TRPV5: variants seen among roughly 807,000 people sequenced by gnomAD.
TRPV5 encodes transient receptor potential cation channel subfamily V member 5.
In TRPV5, 66 loss-of-function variants were observed where a neutral mutation model predicts 74.1. That is an observed-to-expected ratio of 0.89 (90% CI 0.73 to 1.09). The LOEUF is 1.09. TRPV5 is among the 50% of genes least tolerant of loss of function. The pLI, the probability that TRPV5 is intolerant of heterozygous loss-of-function variation, is 0.00. For missense variants in TRPV5, 936 were observed against 930.4 expected, an observed-to-expected ratio of 1.01 and a Z score of -0.08; for synonymous variants, 399 against 360.7, an observed-to-expected ratio of 1.11 and a Z score of -1.20.
chr7:142,917,176 G>T (rs989521028), intron 8 of TRPV5, among the ~76,000 whole-genome samples: 7 of 151,520 alleles, frequency 4.6e-5, no homozygotes, highest in African/African-American at 1.7e-4. Flanking sequence ...TCAGTTCACG[G>T]ACTGTGTTCT....
intron 8 of TRPV5, among the ~76,000 whole-genome samples, chr7:142,919,913 C>T (rs770878902): frequency 2.0e-5 from 3 of 152,134 alleles, no homozygotes; most frequent in East Asian, 1.9e-4. Flanking sequence ...GACCTTTTTC[C>T]CCCCCATGAT....
rs748854134 is a variant in TRPV5, at chr7:142,930,103, C to T, written c.304G>A (p.Ala102Thr). 13 of 1,614,114 alleles carry T rather than the reference C, an allele frequency of 8.1e-6. No homozygotes were observed. The highest frequency in any genetic ancestry group is 4.5e-5 in the East Asian group (2 of 44,894). ...GTGGGCTCAAAGACCAGCTCTGGGG[C>T]AGCCTCCATCAGCACCAAGGCCGCC... ...LEAALVLMEA[A>T]PELVFEPTTC... Residue 102 changes from alanine (A) to threonine (T), a missense_variant, in exon 3 of 15, where the codon GCC becomes ACC. By Grantham distance (58) the Ala-to-Thr change is moderately conservative (BLOSUM62 0). Coordinates refer to ENST00000265310, the MANE Select transcript of TRPV5 (RefSeq NM_019841.7).
At chr7:142,916,547 G>A (rs1041125619) in intron 8 of TRPV5, among the ~76,000 whole-genome samples, 2 of 152,174 alleles carry the variant, frequency 1.3e-5, no homozygotes, top group Non-Finnish European at 1.5e-5. Flanking sequence ...ACACATGCAA[G>A]CAGCCTTTTG....
intron 7 of TRPV5, among the ~76,000 whole-genome samples, chr7:142,926,086 T>A (rs1011499180): frequency 1.3e-5 from 2 of 152,094 alleles, no homozygotes; most frequent in Admixed American, 6.6e-5. Flanking sequence ...GCAGTTGAGA[T>A]GTGGTTGGGG....
chr7:142,915,352 C>A lies in TRPV5; in HGVS notation c.1241G>T (p.Arg414Leu), dbSNP rs150345829. Reference sequence around the variant, plus strand: ...CCCAAGAATCGTCTTTCCAAAATAGCGAGAGGCACCAACCCTGAAGATGTC... The same window carrying A: ...CCCAAGAATCGTCTTTCCAAAATAGAGAGAGGCACCAACCCTGAAGATGTC... ...IPDIFRVGAS[R>L]YFGKTILGGP... The change falls in exon 10 of 15, where the codon CGC becomes CTC. Residue 414 changes from arginine to leucine, a missense_variant. By Grantham distance (102) the Arg-to-Leu change is moderately radical. Transcript: ENST00000265310. 3 of 1,606,566 alleles carry A rather than the reference C, an allele frequency of 1.9e-6. No individual in the cohort carries two copies. Among genetic ancestry groups the A allele is most frequent in the Non-Finnish European group, 2.5e-6 (3 of 1,178,216 alleles).
At position 142,924,313 on chromosome 7, in the gene TRPV5, C is replaced by CATGTATATATAT. The variant is rs1795940184; in HGVS notation, c.1122+1215_1122+1216insATATATATACAT. ...ATGTATATATATACATATATATATA[C>CATGTATATATAT]ACACATATACATGTATATATATACA... On this transcript the variant is annotated intron_variant, in intron 8 of 14. Transcript: ENST00000265310. Among the ~76,000 whole-genome samples the CATGTATATATAT allele has an allele frequency of 1.6e-4, 4 of 24,328 alleles. 1 individual carries two copies. The highest frequency in any genetic ancestry group is 4.1e-4 in the African/African-American group (4 of 9,832). 16.0% of individuals were successfully genotyped at this position (24,328 alleles called of 152,430 possible).
At chr7:142,926,442 C>A (rs1795990718) in intron 7 of TRPV5, among the ~76,000 whole-genome samples, 1 of 152,072 alleles carries the variant, frequency 6.6e-6, no homozygotes, top group Admixed American at 6.6e-5. Context: ...ATTCAAAGCA[C>A]AGTAGAGTGA....
intron 13 of TRPV5, 58 bp downstream of exon 13, chr7:142,912,424 A>T: frequency 1.3e-6 from 2 of 1,565,112 alleles, no homozygotes; most frequent in Non-Finnish European, 1.7e-6. Flanking sequence ...AACATTTTCC[A>T]CTTTGATTTT....
At position 142,929,456 on chromosome 7, in the gene TRPV5, G is replaced by A. The variant is rs1292152630; in HGVS notation, c.459C>T (p.Arg153=). ...VSARATGTAF[R]HSPRNLIYFG... ...AGTAGATGAGGTTGCGGGGACTATG[G>A]CGGAAGGCAGTGCCTGTGGCTCTGG... Residue 153 remains arginine, a synonymous_variant, in exon 4 of 15, where the codon CGC becomes CGT. Transcript: ENST00000265310. The A allele has an allele frequency of 1.2e-6, 2 of 1,614,104 alleles. No individual in the cohort carries two copies. The highest frequency in any genetic ancestry group is 1.7e-5 in the Admixed American group (1 of 60,026).
rs753336260 is a variant in TRPV5 at position 142,929,060 on chromosome 7, A to G, written c.548T>C (p.Ile183Thr). Reference protein sequence around the residue: ...VNSEEIVRLLIEHGADIRAQD... With the variant: ...VNSEEIVRLLTEHGADIRAQD... ...GGCCCTGATGTCAGCTCCATGCTCA[A>G]TGAGCAGCCGCACGATCTCCTCGCT... Residue 183 changes from isoleucine (I) to threonine (T), a missense_variant, in exon 5 of 15, where the codon ATT becomes ACT. By Grantham distance (89) the Ile-to-Thr change is moderately conservative. Coordinates refer to ENST00000265310, the MANE Select transcript of TRPV5 (RefSeq NM_019841.7). The G allele has an allele frequency of 1.2e-6, 2 of 1,614,046 alleles. No individual in the cohort carries two copies. Among genetic ancestry groups the G allele is most frequent in the Non-Finnish European group, 8.5e-7 (1 of 1,180,004 alleles).
chr7:142,919,865 T>C (rs1289633047), intron 8 of TRPV5, among the ~76,000 whole-genome samples: 1 of 152,162 alleles, frequency 6.6e-6, no homozygotes, highest in African/African-American at 2.4e-5. Flanking sequence ...CAGTGGGAAG[T>C]GGGTAGGCCC....
chr7:142,924,353 G>T (rs1372617987), intron 8 of TRPV5, among the ~76,000 whole-genome samples: 8,357 of 14,254 alleles, frequency 0.59, 2,160 homozygotes, highest in African/African-American at 0.66. Context: ...TATATATATA[G>T]ACATATACAT....
rs773630039 is a variant in TRPV5, at chr7:142,930,125, C to T, written c.282G>A (p.Ala94=). Residue 94 remains alanine (A), a synonymous_variant, in exon 3 of 15, where the codon GCG becomes GCA. Transcript: ENST00000265310. ...HIAALYDNLE[A]ALVLMEAAPE... is the part of the protein sequence containing the mutation. Reference sequence around the variant, plus strand: ...GGGCAGCCTCCATCAGCACCAAGGCCGCCTCCAAGTTGTCATAGAGGGCTG... The same window carrying T: ...GGGCAGCCTCCATCAGCACCAAGGCTGCCTCCAAGTTGTCATAGAGGGCTG... The T allele has an allele frequency of 7.6e-5, 122 of 1,614,084 alleles. No individual in the cohort carries two copies. The highest frequency in any genetic ancestry group is 3.3e-4 in the Middle Eastern group (2 of 6,084).
In TRPV5 at chr7:142,933,621, G is replaced by A. The variant is rs1274623895; in HGVS notation, c.-162C>T. 8 of 927,844 alleles carry A rather than the reference G, an allele frequency of 8.6e-6. No individual in the cohort carries two copies. The highest frequency in any genetic ancestry group is 1.1e-5 in the Non-Finnish European group (7 of 617,104). 57.5% of individuals were successfully genotyped at this position (927,844 alleles called of 1,614,324 possible). On this transcript the variant is annotated 5_prime_UTR_variant, in exon 1 of 15. Coordinates refer to ENST00000265310, the MANE Select transcript of TRPV5 (RefSeq NM_019841.7). ...CAGCATGCAGCTTGTAGGTGTGTGTGTGTGCATGCAGTATGTGGGTTGTGG... is the reference window on the plus strand; with the variant it reads ...CAGCATGCAGCTTGTAGGTGTGTGTATGTGCATGCAGTATGTGGGTTGTGG...
At chr7:142,923,019 T>C (rs1478963752) in intron 8 of TRPV5, among the ~76,000 whole-genome samples, 1 of 152,210 alleles carries the variant, frequency 6.6e-6, no homozygotes. Flanking sequence ...TGTTCTGAGA[T>C]GGTGCTGTTG....
Position 142,928,695 on chromosome 7 carries a change from G to C in TRPV5, c.758C>G (p.Thr253Ser). Residue 253 changes from threonine (T) to serine (S), a missense_variant, in exon 6 of 15, where the codon ACT becomes AGT. Transcript: ENST00000265310. ...GGGATGGGGAGCGTCTCTTACCACAGTGTTACCCTCCACTCCAGCCAGCTT... is the reference window on the plus strand; with the variant it reads ...GGGATGGGGAGCGTCTCTTACCACACTGTTACCCTCCACTCCAGCCAGCTT... The part of the protein sequence containing the change: ...PFKLAGVEGN[T>S]VMFQHLMQKR... 1 of 1,613,444 alleles carries C rather than the reference G, an allele frequency of 6.2e-7. No homozygotes were observed. The highest frequency in any genetic ancestry group is 8.5e-7 in the Non-Finnish European group (1 of 1,179,656).
chr7:142,910,069 G>T (rs1222625792), intron 13 of TRPV5, among the ~76,000 whole-genome samples: 1 of 152,158 alleles, frequency 6.6e-6, no homozygotes, highest in East Asian at 1.9e-4. Context: ...GGAAATTTCT[G>T]GTAGCAAGTC....
At chr7:142,924,110 T>C (rs1488732759) in intron 8 of TRPV5, among the ~76,000 whole-genome samples, 1 of 151,722 alleles carries the variant, frequency 6.6e-6, no homozygotes, top group Non-Finnish European at 1.5e-5. Flanking sequence ...CAGACTGAGA[T>C]GCATGCAGCA....
At position 142,924,369 on chromosome 7, in the gene TRPV5, T is replaced by C. The variant is rs1452489253; in HGVS notation, c.1122+1160A>G. ...ATATATATAGACATATACATGTATA[T>C]ATATACATATATATATATATATACA... On this transcript the variant is annotated intron_variant, in intron 8 of 14. Transcript: ENST00000265310. 1.8e-4 allele frequency among the ~76,000 whole-genome samples: 2 copies of C among 10,834 alleles called. 1 individual carries two copies. Among genetic ancestry groups the C allele is most frequent in the Non-Finnish European group, 7.3e-4 (2 of 2,748 alleles). 7.1% of individuals were successfully genotyped at this position (10,834 alleles called of 152,430 possible). A position where few individuals can be genotyped will look rare whatever the true frequency, so the allele number is the denominator to read the frequency against.
Sources: gnomAD v4.1 joint callset for allele counts (sites outside exome capture counted in the v4.1 genomes callset) on GRCh38, gnomAD v4.1.1 for gene constraint, MANE v1.5 for transcripts, NCBI Gene and HGNC (gene_info 2026-07-23, HGNC 2026-07-21) for gene names.